Variants in PTPRN2 observed in about 807,000 individuals in gnomAD.
The protein encoded by PTPRN2 is receptor-type tyrosine-protein phosphatase N2.
PTPRN2 carries 74 observed loss-of-function variants against 118.8 expected under a neutral mutation model. That is an observed-to-expected ratio of 0.62 (90% CI 0.52 to 0.76). The LOEUF (loss-of-function observed/expected upper bound fraction) is 0.76, where lower values mean the gene tolerates loss of function less well. Among genes scored for constraint, PTPRN2 ranks in the 30% least tolerant of loss-of-function variants. PTPRN2 has a pLI of 0.00. For synonymous variants in PTPRN2, 641 were observed against 608.0 expected, an observed-to-expected ratio of 1.05 and a Z score of -0.80; for missense variants, 1,481 against 1,394.4, an observed-to-expected ratio of 1.06 and a Z score of -0.99.
intron 2 of PTPRN2, among the ~76,000 whole-genome samples, chr7:158,370,071 G>A (rs1356141735): frequency 6.6e-6 from 1 of 152,156 alleles, no homozygotes; most frequent in African/African-American, 2.4e-5. Flanking sequence ...GGAACGAGGT[G>A]ATCAACACTG....
intron 12 of PTPRN2, among the ~76,000 whole-genome samples, chr7:157,822,421 C>T (rs1037412278): frequency 9.2e-5 from 14 of 151,906 alleles, no homozygotes; most frequent in Non-Finnish European, 1.2e-4. Context: ...TATCCATCCA[C>T]TCATCTATCC....
At chr7:158,271,796 G>A (rs67559680) in intron 3 of PTPRN2, among the ~76,000 whole-genome samples, 15,394 of 152,116 alleles carry the variant, frequency 0.1, 912 homozygotes, top group Middle Eastern at 0.16. Flanking sequence ...GTGAAGAAGC[G>A]TCCTGAGGCC....
chr7:158,005,097 G>A (rs1277837815), intron 11 of PTPRN2, among the ~76,000 whole-genome samples: 2 of 147,082 alleles, frequency 1.4e-5, no homozygotes, highest in Non-Finnish European at 1.5e-5. Flanking sequence ...TTTTCGAGAC[G>A]GAGTCTTGCT....
At chr7:158,512,963 C>G (rs1248939050) in intron 1 of PTPRN2, among the ~76,000 whole-genome samples, 1 of 152,208 alleles carries the variant, frequency 6.6e-6, no homozygotes, top group Non-Finnish European at 1.5e-5. Context: ...AGAGACAAAT[C>G]TCCTGTGCAG....
chr7:157,651,507 C>A (rs115517419), intron 14 of PTPRN2, among the ~76,000 whole-genome samples: 1 of 152,282 alleles, frequency 6.6e-6, no homozygotes, highest in African/African-American at 2.4e-5. Flanking sequence ...CTCCAAAAAA[C>A]GTTCTCTAGC....
chr7:158,490,891 G>A (rs372032601), intron 1 of PTPRN2, among the ~76,000 whole-genome samples: 1 of 152,218 alleles, frequency 6.6e-6, no homozygotes, highest in East Asian at 1.9e-4. Flanking sequence ...TTCAGGAGCC[G>A]GGCACACGCC....
intron 9 of PTPRN2, among the ~76,000 whole-genome samples, chr7:158,130,035 A>C (rs1292343132): frequency 6.6e-6 from 1 of 152,228 alleles, no homozygotes; most frequent in African/African-American, 2.4e-5. Context: ...GATACAACTA[A>C]GATAATCACC....
At chr7:158,238,361 C>CG (rs1351178018) in intron 3 of PTPRN2, among the ~76,000 whole-genome samples, 7 of 151,988 alleles carry the variant, frequency 4.6e-5, no homozygotes, top group Middle Eastern at 3.4e-3. Flanking sequence ...TAAAATAAAG[C>CG]GGGGGGTGTG....
intron 1 of PTPRN2, among the ~76,000 whole-genome samples, chr7:158,497,373 AG>A (rs1222919371): frequency 6.7e-6 from 1 of 149,864 alleles, no homozygotes; most frequent in African/African-American, 2.5e-5. Flanking sequence ...CAGAGTATGG[AG>A]CCCCCCAGTA....
intron 2 of PTPRN2, among the ~76,000 whole-genome samples, chr7:158,347,066 GCTAA>G (rs377074188): frequency 1.7e-3 from 253 of 152,254 alleles, no homozygotes; most frequent in African/African-American, 5.4e-3. Flanking sequence ...TGTGCACTCT[GCTAA>G]CTGTTTTGTT....
intron 2 of PTPRN2, among the ~76,000 whole-genome samples, chr7:158,382,877 G>A (rs148101815): frequency 2.3e-3 from 355 of 152,252 alleles, no homozygotes; most frequent in African/African-American, 8.0e-3. Context: ...GTGGGCTTTA[G>A]AGTGGCAAAT....
At chr7:158,459,028 G>C (rs898590131) in intron 2 of PTPRN2, among the ~76,000 whole-genome samples, 20 of 152,186 alleles carry the variant, frequency 1.3e-4, no homozygotes, top group African/African-American at 4.6e-4. Flanking sequence ...AGAGAGGACA[G>C]GGTGCCGCGG....
At chr7:158,386,347 C>A in intron 2 of PTPRN2, among the ~76,000 whole-genome samples, 1 of 115,214 alleles carries the variant, frequency 8.7e-6, no homozygotes, top group South Asian at 3.1e-4. Context: ...CTGTACCCCT[C>A]CTCCCTCCTC....
chr7:157,802,539 G>A (rs556793622), intron 12 of PTPRN2, among the ~76,000 whole-genome samples: 77 of 152,318 alleles, frequency 5.1e-4, no homozygotes, highest in Non-Finnish European at 6.9e-4. Context: ...GATGAACTCC[G>A]GAGCGCACCC....
chr7:157,700,983 G>T (rs764152682), intron 12 of PTPRN2, among the ~76,000 whole-genome samples: 3 of 152,202 alleles, frequency 2.0e-5, no homozygotes, highest in African/African-American at 4.8e-5. Context: ...CACATGCACT[G>T]TCTCTCACAC....
At chr7:158,339,940 T>A (rs1424277349) in intron 2 of PTPRN2, among the ~76,000 whole-genome samples, 165 of 51,800 alleles carry the variant, frequency 3.2e-3, no homozygotes, top group Middle Eastern at 0.018. Flanking sequence ...ATAAGAGCTG[T>A]CGCCCGCAGA....
chr7:157,621,306 C>G lies in PTPRN2; in HGVS notation c.2344+56G>C, dbSNP rs377270202. 4.5e-6 allele frequency: 7 copies of G among 1,570,868 alleles called. No homozygotes were observed. In the African/African-American group the frequency reaches 9.6e-5, roughly 21 times the overall value. On this transcript the variant is annotated intron_variant, in intron 15 of 22. Coordinates refer to ENST00000389418, the MANE Select transcript of PTPRN2 (RefSeq NM_002847.5). ...CGGGCCTGGTATGTACAGGTCAGCA[C>G]GGCCAGTTTCCACCGCCCGTAACCC...
chr7:158,115,808 C>T (rs564862483), intron 9 of PTPRN2, among the ~76,000 whole-genome samples: 3 of 152,296 alleles, frequency 2.0e-5, no homozygotes, highest in African/African-American at 7.2e-5. Flanking sequence ...AGGAAAGATC[C>T]TGAGGTCAGC....
At chr7:158,238,923 G>A (rs563384367) in intron 3 of PTPRN2, among the ~76,000 whole-genome samples, 10 of 141,570 alleles carry the variant, frequency 7.1e-5, no homozygotes, top group South Asian at 2.1e-4. Flanking sequence ...CCCCCAGGAC[G>A]CCCCCAGGAC....
Sources: allele counts gnomAD v4.1 joint callset (sites outside exome capture counted in the v4.1 genomes callset), GRCh38; gene constraint gnomAD v4.1.1; transcripts MANE v1.5; gene names NCBI Gene and HGNC (gene_info 2026-07-23, HGNC 2026-07-21).